Variants in ADARB2 observed in about 807,000 individuals in gnomAD.
The protein encoded by ADARB2 is inactive double-stranded RNA-specific editase B2.
Under a neutral mutation model 62.2 loss-of-function variants are expected in ADARB2, and 25 were observed. That is an observed-to-expected ratio of 0.40 (90% CI 0.29 to 0.56). ADARB2 has a LOEUF of 0.56. Among genes scored for constraint, ADARB2 ranks in the 20% least tolerant of loss-of-function variants. ADARB2 has a pLI of 0.43. For synonymous variants in ADARB2, 572 were observed against 500.8 expected (o/e 1.14, Z -1.90); for missense variants, 1,071 against 1,077.4 (o/e 0.99, Z 0.08).
intron 1 of ADARB2, among the ~76,000 whole-genome samples, chr10:1,572,040 C>G (rs1461968734): frequency 1.4e-5 from 2 of 142,004 alleles, no homozygotes; most frequent in Admixed American, 1.4e-4. Context: ...AGTGAGTGTG[C>G]AGGTGAGTGG....
chr10:1,400,581 T>C (rs766500386), intron 1 of ADARB2, among the ~76,000 whole-genome samples: 16 of 152,122 alleles, frequency 1.1e-4, no homozygotes, highest in Non-Finnish European at 2.4e-4. Flanking sequence ...AGGAGTGTTT[T>C]CCCACCTGAT....
intron 3 of ADARB2, among the ~76,000 whole-genome samples, chr10:1,336,957 AT>A (rs1381587616): frequency 1.3e-5 from 2 of 152,130 alleles, no homozygotes. Context: ...TCTGCCACAG[AT>A]AATGAGTCCA....
intron 1 of ADARB2, among the ~76,000 whole-genome samples, chr10:1,529,503 C>T (rs2131957790): frequency 6.6e-6 from 1 of 152,298 alleles, no homozygotes; most frequent in South Asian, 2.1e-4. Flanking sequence ...GTAGCTATGG[C>T]CATCCTTGGC....
intron 3 of ADARB2, among the ~76,000 whole-genome samples, chr10:1,321,824 G>A (rs1247389330): frequency 6.6e-6 from 1 of 152,240 alleles, no homozygotes; most frequent in Non-Finnish European, 1.5e-5. Context: ...TAGAAGGAAG[G>A]AGGCTAAGTA....
intron 3 of ADARB2, among the ~76,000 whole-genome samples, chr10:1,315,699 C>T (rs571167154): frequency 3.0e-4 from 46 of 152,338 alleles, no homozygotes; most frequent in African/African-American, 1.1e-3. Context: ...TTCCCTATGC[C>T]CCAGCATCTC....
At chr10:1,312,586 G>T (rs1259819978) in intron 3 of ADARB2, among the ~76,000 whole-genome samples, 1 of 152,224 alleles carries the variant, frequency 6.6e-6, no homozygotes, top group Non-Finnish European at 1.5e-5. Context: ...CTCCAGGTGC[G>T]GTGATAAGCA....
chr10:1,294,698 C>T (rs567545237), intron 3 of ADARB2, among the ~76,000 whole-genome samples: 1 of 152,238 alleles, frequency 6.6e-6, no homozygotes, highest in South Asian at 2.1e-4. Flanking sequence ...TTGCTGAGCT[C>T]ATTATTACAC....
chr10:1,362,513 G>GT (rs1254333811), intron 3 of ADARB2, among the ~76,000 whole-genome samples: 1 of 152,188 alleles, frequency 6.6e-6, no homozygotes, highest in Non-Finnish European at 1.5e-5. Flanking sequence ...AACCGGAGGG[G>GT]TCCTGCCGGG....
At chr10:1,467,463 G>A (rs12782764) in intron 1 of ADARB2, among the ~76,000 whole-genome samples, 15,681 of 152,158 alleles carry the variant, frequency 0.1, 874 homozygotes, top group Middle Eastern at 0.2. Context: ...AAGCAAACCC[G>A]AAAGCATCTC....
intron 1 of ADARB2, among the ~76,000 whole-genome samples, chr10:1,541,891 G>C (rs373697536): frequency 0.032 from 264 of 8,132 alleles, 8 homozygotes; most frequent in East Asian, 0.077. Context: ...CGCCCAGACC[G>C]CACTCAGATG....
At chr10:1,372,549 C>G (rs566471359) in intron 2 of ADARB2, among the ~76,000 whole-genome samples, 1 of 152,152 alleles carries the variant, frequency 6.6e-6, no homozygotes, top group Admixed American at 6.5e-5. Flanking sequence ...ATGAAAGACA[C>G]TGTAAGCTGC....
At chr10:1,443,429 C>T (rs1830926876) in intron 1 of ADARB2, among the ~76,000 whole-genome samples, 2 of 152,202 alleles carry the variant, frequency 1.3e-5, no homozygotes, top group African/African-American at 4.8e-5. Flanking sequence ...AAATATTATA[C>T]AGTTTTTGGT....
intron 1 of ADARB2, among the ~76,000 whole-genome samples, chr10:1,428,671 G>A (rs1830742110): frequency 6.6e-6 from 1 of 152,090 alleles, no homozygotes; most frequent in Non-Finnish European, 1.5e-5. Flanking sequence ...GTTAGAGATT[G>A]GGGGCTGGGG....
intron 5 of ADARB2, chr10:1,240,292 ACTCCCCTCTCCCTCCCG>A (rs1830901460): frequency 1.2e-5 from 1 of 85,074 alleles, no homozygotes; most frequent in East Asian, 3.0e-4. Context: ...CCCGGTGTTT[ACTCCCCTCTCCCTCCCG>A]GTGTTTACTC....
rs533912497 is a variant in ADARB2, at chr10:1,670,211, G to T, written c.100+66840C>A. ...TTCTGTTAGCAGCCAATATGTTTGC[G>T]TATAATTTTCATACTAGTTTGTGTC... is the stretch of plus-strand genomic sequence containing the variant. On this transcript the variant is annotated intron_variant, in intron 1 of 9. Coordinates refer to ENST00000381312, the MANE Select transcript of ADARB2 (RefSeq NM_018702.4). 4.9e-4 allele frequency among the ~76,000 whole-genome samples: 75 copies of T among 152,250 alleles called. 4 individuals carry two copies. The South Asian group carries it at 0.01, about 21-fold the overall frequency.
chr10:1,201,621 G>C (rs773169583), intron 7 of ADARB2, among the ~76,000 whole-genome samples: 1 of 150,434 alleles, frequency 6.6e-6, no homozygotes, highest in African/African-American at 2.5e-5. Context: ...TCGGATGGTC[G>C]TAAGCCACAG....
chr10:1,478,759 G>GACGGGAGAGCGCCAAA (rs1366541831), intron 1 of ADARB2, among the ~76,000 whole-genome samples: 1 of 149,012 alleles, frequency 6.7e-6, no homozygotes, highest in East Asian at 2.0e-4. Context: ...AGGACCCTCG[G>GACGGGAGAGCGCCAAA]ATGGGAGAGC....
intron 1 of ADARB2, among the ~76,000 whole-genome samples, chr10:1,648,139 C>T (rs1388048309): frequency 6.6e-6 from 1 of 152,156 alleles, no homozygotes; most frequent in Non-Finnish European, 1.5e-5. Flanking sequence ...CTTCTGTTTT[C>T]TTTTTTCTGA....
chr10:1,446,222 T>C (rs1371195408), intron 1 of ADARB2, among the ~76,000 whole-genome samples: 2 of 152,232 alleles, frequency 1.3e-5, no homozygotes, highest in Non-Finnish European at 2.9e-5. Flanking sequence ...TGCGTCTCCA[T>C]TTCTGGAATG....
Sources: allele counts gnomAD v4.1 joint callset (sites outside exome capture counted in the v4.1 genomes callset), GRCh38; gene constraint gnomAD v4.1.1; transcripts MANE v1.5; gene names NCBI Gene and HGNC (gene_info 2026-07-23, HGNC 2026-07-21).